Variants in SORCS1 observed in about 807,000 individuals in gnomAD.
The protein encoded by SORCS1 is VPS10 domain-containing receptor SorCS1.
A neutral mutation model predicts 146.1 loss-of-function variants in SORCS1; 60 were observed. The ratio of observed to expected loss-of-function variants is 0.41; its 90% CI spans 0.33 to 0.51. The LOEUF (loss-of-function observed/expected upper bound fraction) is 0.51. Ranked by LOEUF, SORCS1 falls within the 20% of genes least tolerant of loss-of-function variation. The pLI is 0.21. For synonymous variants in SORCS1, 637 were observed against 584.0 expected, an observed-to-expected ratio of 1.09 and a Z score of -1.31; for missense variants, 1,352 against 1,487.6, an observed-to-expected ratio of 0.91 and a Z score of 1.50.
chr10:106,750,714 G>A (rs1858106136), intron 5 of SORCS1, among the ~76,000 whole-genome samples: 1 of 112,870 alleles, frequency 8.9e-6, no homozygotes, highest in Non-Finnish European at 1.7e-5. Flanking sequence ...GGGCGACAGG[G>A]TGAGACTCCC....
chr10:106,628,419 A>G (rs939741293), intron 19 of SORCS1, among the ~76,000 whole-genome samples: 1 of 152,218 alleles, frequency 6.6e-6, no homozygotes, highest in African/African-American at 2.4e-5. Flanking sequence ...CCATTCATAT[A>G]AAGGAGCTGC....
chr10:106,773,784 C>A (rs966814499), intron 4 of SORCS1, among the ~76,000 whole-genome samples: 1 of 152,084 alleles, frequency 6.6e-6, no homozygotes, highest in African/African-American at 2.4e-5. Context: ...CCCGTCTCTA[C>A]TAAAGATACA....
At chr10:107,156,979 G>A (rs1209506090) in intron 1 of SORCS1, among the ~76,000 whole-genome samples, 1 of 152,106 alleles carries the variant, frequency 6.6e-6, no homozygotes, top group African/African-American at 2.4e-5. Flanking sequence ...TAATTTCAGT[G>A]GTTTAAACAA....
At chr10:106,612,579 C>T (rs1294247001) in intron 21 of SORCS1, among the ~76,000 whole-genome samples, 2 of 151,820 alleles carry the variant, frequency 1.3e-5, no homozygotes, top group South Asian at 2.1e-4. Flanking sequence ...GTTCTACACA[C>T]AGAGGGATAC....
At chr10:107,101,689 C>T (rs140402344) in intron 1 of SORCS1, among the ~76,000 whole-genome samples, 1 of 151,878 alleles carries the variant, frequency 6.6e-6, no homozygotes, top group Non-Finnish European at 1.5e-5. Context: ...AAAATAGTAA[C>T]CTGAAATTTA....
At chr10:106,724,724 A>T (rs765559716) in intron 6 of SORCS1, among the ~76,000 whole-genome samples, 29 of 152,314 alleles carry the variant, frequency 1.9e-4, no homozygotes, top group Non-Finnish European at 1.5e-4. Context: ...AATTCACAAC[A>T]CACTCCATGG....
At chr10:106,765,503 G>A (rs553393728) in intron 4 of SORCS1, among the ~76,000 whole-genome samples, 5 of 152,146 alleles carry the variant, frequency 3.3e-5, no homozygotes, top group South Asian at 4.1e-4. Flanking sequence ...GTTTCATTGA[G>A]AGCTTTGAGC....
chr10:106,885,115 G>A (rs1283839046), intron 2 of SORCS1, among the ~76,000 whole-genome samples: 1 of 152,130 alleles, frequency 6.6e-6, no homozygotes, highest in African/African-American at 2.4e-5. Context: ...TTCTGTGGAA[G>A]GCTTTACAAA....
chr10:106,764,619 G>A (rs931299593), intron 4 of SORCS1, among the ~76,000 whole-genome samples: 9 of 152,134 alleles, frequency 5.9e-5, no homozygotes, highest in Non-Finnish European at 4.4e-5. Context: ...GCTTTCTCTA[G>A]CTATGCCAAG....
chr10:106,824,529 C>A (rs1226422202), intron 3 of SORCS1, among the ~76,000 whole-genome samples: 1 of 148,116 alleles, frequency 6.8e-6, no homozygotes, highest in African/African-American at 2.5e-5. Flanking sequence ...GCGGAGGTTG[C>A]AGTGAGCCGA....
chr10:106,615,472 T>C (rs1002306110), intron 21 of SORCS1, among the ~76,000 whole-genome samples: 2 of 152,182 alleles, frequency 1.3e-5, no homozygotes, highest in Non-Finnish European at 2.9e-5. Flanking sequence ...CTGTTTAACT[T>C]TGCCTGCTCC....
rs140105664 is a variant in SORCS1 at position 106,699,244 on chromosome 10, A to G, written c.1383T>C (p.Pro461=). 6.6e-5 allele frequency: 107 copies of G among 1,613,640 alleles called. 1 individual carries two copies. The African/African-American group carries it at 1.0e-3, about 16-fold the overall frequency. ...ALENVQSSRG[P]EGNIMIDLYE... ...AGAGGTCGATCATGATGTTGCCCTC[A>G]GGGCCTCTGCTGCTCTGGACATTCT... The change falls in exon 9 of 26, where the codon CCT becomes CCC. Residue 461 remains proline (P), a synonymous_variant. Transcript: ENST00000263054.
At chr10:106,717,059 C>T (rs1012669033) in intron 6 of SORCS1, among the ~76,000 whole-genome samples, 6 of 152,122 alleles carry the variant, frequency 3.9e-5, no homozygotes, top group South Asian at 4.1e-4. Flanking sequence ...ATATTGTAGA[C>T]GTTTAATTAT....
chr10:106,577,105 T>C lies in SORCS1; in HGVS notation c.*315A>G, dbSNP rs1003258779. On this transcript the variant is annotated 3_prime_UTR_variant, in exon 26 of 26. Transcript: ENST00000263054. The stretch of plus-strand genomic sequence containing the variant: ...GCTAAAAACCCTTGTTGTCTGTGTC[T>C]GAAGAATTAAAAAGTCCCGATGCAG... 1 of 879,000 alleles carries C rather than the reference T, an allele frequency of 1.1e-6. No homozygotes were observed. Among genetic ancestry groups the C allele is most frequent in the African/African-American group, 1.7e-5 (1 of 57,370 alleles). The allele number at this position is 879,000 out of a possible 1,614,324, so 54.5% of individuals were successfully genotyped here. A position where few individuals can be genotyped will look rare whatever the true frequency, so the allele number is the denominator to read the frequency against.
chr10:106,595,202 A>G lies in SORCS1; in HGVS notation c.3265+2149T>C, dbSNP rs150059063. ...GAGAATTTTCACCAGCATACGATTC[A>G]GAAAGTGGCTTTTACCAGCAATAGC... On this transcript the variant is annotated intron_variant, in intron 24 of 25. Coordinates refer to ENST00000263054, the MANE Select transcript of SORCS1 (RefSeq NM_052918.5). Among the ~76,000 whole-genome samples, 10 of 152,314 alleles carry G rather than the reference A, an allele frequency of 6.6e-5. No individual in the cohort carries two copies. In the East Asian group the frequency reaches 1.9e-3, roughly 29 times the overall value.
chr10:106,754,049 A>C (rs540989072), intron 5 of SORCS1, among the ~76,000 whole-genome samples: 2 of 152,312 alleles, frequency 1.3e-5, no homozygotes, highest in African/African-American at 4.8e-5. Context: ...ATGCCTTCGC[A>C]TTATCTTCCC....
intron 1 of SORCS1, among the ~76,000 whole-genome samples, chr10:106,963,110 A>ATTTTTTTGTTT (rs1955324137): frequency 1.3e-5 from 1 of 76,296 alleles, no homozygotes; most frequent in Non-Finnish European, 2.4e-5. Context: ...AATGGCCAGA[A>ATTTTTTTGTTT]TTTTTTTTTT....
rs1204989627 is a variant in SORCS1, at chr10:106,709,441, CA to C, written c.1025-101del. 1.4e-4 allele frequency: 70 copies of C among 487,646 alleles called. 1 individual carries two copies. The highest frequency in any genetic ancestry group is 6.3e-4 in the African/African-American group (29 of 45,786). 30.2% of individuals were successfully genotyped at this position (487,646 alleles called of 1,614,324 possible). A position where few individuals can be genotyped will look rare whatever the true frequency, so the allele number is the denominator to read the frequency against. On this transcript the variant is annotated intron_variant, in intron 6 of 25. Coordinates refer to ENST00000263054, the MANE Select transcript of SORCS1 (RefSeq NM_052918.5). The stretch of plus-strand genomic sequence containing the variant: ...CGTTTGATATTTCCCTTACCATTTC[CA>C]ATTTTTTTTTTTTTTTTTTTTTTTG...
intron 17 of SORCS1, among the ~76,000 whole-genome samples, chr10:106,654,842 T>A (rs1054501226): frequency 7.9e-5 from 12 of 152,218 alleles, no homozygotes; most frequent in African/African-American, 2.9e-4. Flanking sequence ...AATTTGAACA[T>A]CATTCCATCT....
Sources: gnomAD v4.1 joint callset for allele counts (sites outside exome capture counted in the v4.1 genomes callset) on GRCh38, gnomAD v4.1.1 for gene constraint, MANE v1.5 for transcripts, NCBI Gene and HGNC (gene_info 2026-07-23, HGNC 2026-07-21) for gene names.